Variants in USH2A observed in about 807,000 individuals in gnomAD.
USH2A encodes the protein Usher syndrome 2A (autosomal recessive, mild).
In USH2A, 443 loss-of-function variants were observed where a neutral mutation model predicts 538.9. The ratio of observed to expected loss-of-function variants is 0.82; its 90% CI spans 0.76 to 0.89. The LOEUF (loss-of-function observed/expected upper bound fraction) is 0.89. USH2A is among the 40% of genes least tolerant of loss of function. The probability of loss-of-function intolerance (pLI) is 0.00; values close to 1 mark genes in which losing one functional copy is unlikely to be tolerated. For missense variants in USH2A, 6,633 were observed against 6,324.8 expected (o/e 1.05, Z -1.65); for synonymous variants, 2,413 against 2,273.5 (o/e 1.06, Z -1.75).
rs552923706 is a variant in USH2A at position 215,691,980 on chromosome 1, C to A, written c.12067-11604G>T. 1.1e-4 allele frequency among the ~76,000 whole-genome samples: 16 copies of A among 152,024 alleles called. 1 individual carries two copies. Among genetic ancestry groups the A allele is most frequent in the African/African-American group, 3.1e-4 (13 of 41,472 alleles). ...AGGATGAGGCTGACTTGGACAGCAG[C>A]CGAAAGGAAATCAGTAATAGAAGCT... is the stretch of plus-strand genomic sequence containing the variant. On this transcript the variant is annotated intron_variant, in intron 61 of 71. Transcript: ENST00000307340.
chr1:216,263,884 C>CA (rs1267205084), intron 11 of USH2A, among the ~76,000 whole-genome samples: 2 of 151,986 alleles, frequency 1.3e-5, no homozygotes, highest in South Asian at 2.1e-4. Context: ...AGCACTCCAC[C>CA]AAAAAACTCT....
At position 216,199,939 on chromosome 1, in the gene USH2A, G is replaced by C. The variant is rs746489132; in HGVS notation, c.3499C>G (p.Leu1167Val). 4 of 1,614,022 alleles carry C rather than the reference G, an allele frequency of 2.5e-6. No homozygotes were observed. Among genetic ancestry groups the C allele is most frequent in the Non-Finnish European group, 3.4e-6 (4 of 1,180,022 alleles). ...TGATTTGAGAGTGTTGTCCAGGTAA[G>C]TGTCACAGAGTCTGAGCCAATAGGA... ...IIPIGSDSVT[L>V]TWTTLSNQSG... Residue 1167 changes from leucine to valine, a missense_variant, in exon 17 of 72, where the codon CTT becomes GTT. Coordinates refer to ENST00000307340, the MANE Select transcript of USH2A (RefSeq NM_206933.4).
At chr1:215,964,360 A>T (rs1388214455) in intron 37 of USH2A, among the ~76,000 whole-genome samples, 1 of 152,202 alleles carries the variant, frequency 6.6e-6, no homozygotes, top group African/African-American at 2.4e-5. Flanking sequence ...TCTGACACGC[A>T]CTTGACTCGC....
intron 18 of USH2A, among the ~76,000 whole-genome samples, 189 bp from the exon 19 acceptor site, chr1:216,196,911 T>C (rs966382307): frequency 2.0e-5 from 3 of 152,200 alleles, no homozygotes; most frequent in Admixed American, 6.5e-5. Flanking sequence ...TATCTGAAAG[T>C]ATATTCTCCA....
At chr1:215,977,924 G>A (rs1202698752) in intron 35 of USH2A, among the ~76,000 whole-genome samples, 4 of 152,222 alleles carry the variant, frequency 2.6e-5, no homozygotes, top group South Asian at 2.1e-4. Context: ...CTAGGAGTTC[G>A]AGACCAGCCT....
chr1:216,359,417 C>T (rs2038449015), intron 4 of USH2A, among the ~76,000 whole-genome samples: 1 of 152,008 alleles, frequency 6.6e-6, no homozygotes, highest in Admixed American at 6.6e-5. Flanking sequence ...ATATATTAAA[C>T]CACCATTTAA....
intron 13 of USH2A, among the ~76,000 whole-genome samples, chr1:216,242,301 C>A (rs565532515): frequency 1.3e-5 from 2 of 151,130 alleles, no homozygotes; most frequent in Non-Finnish European, 2.9e-5. Flanking sequence ...TGAGCCGAGA[C>A]TGCGCCACTG....
At chr1:215,890,150 T>C (rs1232307948) in intron 40 of USH2A, among the ~76,000 whole-genome samples, 1 of 152,146 alleles carries the variant, frequency 6.6e-6, no homozygotes. Context: ...ATCTATAAAT[T>C]GCTAAAACAG....
intron 35 of USH2A, among the ~76,000 whole-genome samples, chr1:215,985,448 A>T (rs1667849766): frequency 1.3e-5 from 2 of 152,164 alleles, no homozygotes; most frequent in South Asian, 4.1e-4. Context: ...CCTTGCTTTG[A>T]TTTATACAAT....
intron 35 of USH2A, among the ~76,000 whole-genome samples, chr1:215,992,459 G>T (rs1002707983): frequency 6.6e-6 from 1 of 152,048 alleles, no homozygotes; most frequent in Admixed American, 6.6e-5. Context: ...ATATTGCTTA[G>T]AAATGCACAA....
chr1:215,851,345 A>G (rs1207612776), intron 44 of USH2A, among the ~76,000 whole-genome samples: 3 of 152,218 alleles, frequency 2.0e-5, no homozygotes, highest in Non-Finnish European at 4.4e-5. Flanking sequence ...AAAAAAGCTC[A>G]ATTAGAAATA....
intron 4 of USH2A, among the ~76,000 whole-genome samples, chr1:216,361,631 T>G (rs899322112): frequency 6.6e-6 from 1 of 152,074 alleles, no homozygotes; most frequent in East Asian, 1.9e-4. Flanking sequence ...AATAAGCACA[T>G]GAAAAGATCT....
chr1:215,878,757 C>T lies in USH2A; in HGVS notation c.8558+7G>A. 1 of 1,613,728 alleles carries T rather than the reference C, an allele frequency of 6.2e-7. No individual in the cohort carries two copies. On this transcript the variant is annotated splice_region_variant and intron_variant, in intron 42 of 71. Coordinates refer to ENST00000307340, the MANE Select transcript of USH2A (RefSeq NM_206933.4). ...GCAACATAAAAATCATAGTCACCTT[C>T]TCTTACCTCAAATTAGGTCCATTTG...
chr1:215,794,652 T>C (rs1662076037), intron 50 of USH2A, among the ~76,000 whole-genome samples: 1 of 152,210 alleles, frequency 6.6e-6, no homozygotes, highest in Admixed American at 6.5e-5. Flanking sequence ...TGTAAAACTA[T>C]TATTCCTTAA....
intron 71 of USH2A, among the ~76,000 whole-genome samples, chr1:215,627,684 C>T (rs1266989298): frequency 1.3e-5 from 2 of 152,044 alleles, no homozygotes; most frequent in Non-Finnish European, 2.9e-5. Flanking sequence ...CACCACCGCG[C>T]CCAGCTAATT....
chr1:216,206,492 C>T (rs1481233064), intron 16 of USH2A, among the ~76,000 whole-genome samples: 1 of 152,156 alleles, frequency 6.6e-6, no homozygotes, highest in South Asian at 2.1e-4. Flanking sequence ...ATGAGAATCT[C>T]ATGCCGCCAC....
intron 9 of USH2A, among the ~76,000 whole-genome samples, chr1:216,293,563 A>T (rs2037048476): frequency 6.6e-6 from 1 of 152,094 alleles, no homozygotes; most frequent in South Asian, 2.1e-4. Flanking sequence ...AATCTCTCAA[A>T]CCTCAGTAGT....
chr1:216,267,409 A>C (rs911245970), intron 11 of USH2A, among the ~76,000 whole-genome samples: 14 of 152,140 alleles, frequency 9.2e-5, no homozygotes, highest in Non-Finnish European at 1.9e-4. Flanking sequence ...CAAGTCTTTT[A>C]AGGAGTTTTG....
At chr1:216,225,207 A>G (rs985197136) in intron 14 of USH2A, among the ~76,000 whole-genome samples, 4 of 152,164 alleles carry the variant, frequency 2.6e-5, no homozygotes, top group Non-Finnish European at 5.9e-5. Context: ...GTTGGTGTAT[A>G]TACAATAACA....
Sources: allele counts gnomAD v4.1 joint callset (sites outside exome capture counted in the v4.1 genomes callset), GRCh38; gene constraint gnomAD v4.1.1; transcripts MANE v1.5; gene names NCBI Gene and HGNC (gene_info 2026-07-23, HGNC 2026-07-21).